CEP83: variants seen among roughly 807,000 people sequenced by gnomAD.
CEP83 encodes the protein centrosomal protein 83.
A neutral mutation model predicts 101.9 loss-of-function variants in CEP83; 70 were observed. That is an observed-to-expected ratio of 0.69 (90% confidence interval 0.57 to 0.84). CEP83 has a LOEUF of 0.84. Among genes scored for constraint, CEP83 ranks in the 40% least tolerant of loss-of-function variants. The pLI, the probability that CEP83 is intolerant of heterozygous loss-of-function variation, is 0.00. For synonymous variants in CEP83, 264 were observed against 267.9 expected (o/e 0.99, Z 0.14); for missense variants, 715 against 787.2 (o/e 0.91, Z 1.10).
At chr12:94,362,270 T>G (rs961267169) in intron 11 of CEP83, among the ~76,000 whole-genome samples, 2 of 151,998 alleles carry the variant, frequency 1.3e-5, no homozygotes, top group Non-Finnish European at 2.9e-5. Flanking sequence ...ACACTGTTAG[T>G]GGGGATGTAA....
chr12:94,335,970 A>C, intron 11 of CEP83: 1 of 234,192 alleles, frequency 4.3e-6, no homozygotes, highest in South Asian at 9.9e-5. Flanking sequence ...ATACATAAAC[A>C]ACAGCCTGAA....
At chr12:94,316,978 G>A (rs1970805383) in intron 14 of CEP83, among the ~76,000 whole-genome samples, 1 of 152,082 alleles carries the variant, frequency 6.6e-6, no homozygotes, top group Non-Finnish European at 1.5e-5. Context: ...GTTGTTTCTA[G>A]CTCTTTGAGG....
At chr12:94,306,417 C>CCTTTCTTTTTAAAGAATT (rs1431501636), downstream of CEP83, 20 of 152,114 alleles carry the variant, frequency 1.3e-4, no homozygotes, top group Admixed American at 1.2e-3. Flanking sequence ...TTTATTCATG[C>CCTTTCTTTTTAAAGAATT]CTTTCTTTTT....
intron 11 of CEP83, among the ~76,000 whole-genome samples, chr12:94,337,278 T>G (rs1159653517): frequency 6.6e-6 from 1 of 152,146 alleles, no homozygotes; most frequent in Non-Finnish European, 1.5e-5. Flanking sequence ...GGAAAACAAC[T>G]AAATGAAAAT....
intron 11 of CEP83, among the ~76,000 whole-genome samples, chr12:94,349,250 A>G (rs1593318029): frequency 6.8e-6 from 1 of 148,036 alleles, no homozygotes; most frequent in Non-Finnish European, 1.5e-5. Context: ...GCGCCACTGC[A>G]CTCCAGCCTG....
At chr12:94,323,321 A>T (rs1593149046) in intron 14 of CEP83, among the ~76,000 whole-genome samples, 1 of 152,134 alleles carries the variant, frequency 6.6e-6, no homozygotes. Flanking sequence ...GAGACTCCAC[A>T]TAATTCTGTG....
intron 4 of CEP83, among the ~76,000 whole-genome samples, chr12:94,410,861 G>C (rs1256655273): frequency 6.6e-6 from 1 of 152,176 alleles, no homozygotes; most frequent in Non-Finnish European, 1.5e-5. Context: ...AGCAATGGTA[G>C]ATTTGAAAAA....
intron 2 of CEP83, among the ~76,000 whole-genome samples, chr12:94,415,051 T>G (rs1363829587): frequency 6.6e-6 from 1 of 152,108 alleles, no homozygotes; most frequent in African/African-American, 2.4e-5. Context: ...AAAATGTGTT[T>G]TTATTTAAAA....
chr12:94,334,043 G>A (rs1375444708), intron 12 of CEP83, among the ~76,000 whole-genome samples: 1 of 150,132 alleles, frequency 6.7e-6, no homozygotes, highest in African/African-American at 2.5e-5. Flanking sequence ...AGTCAGCTGG[G>A]AAAGCAGCTA....
At chr12:94,384,845 T>C (rs1377814840) in intron 6 of CEP83, among the ~76,000 whole-genome samples, 2 of 152,226 alleles carry the variant, frequency 1.3e-5, no homozygotes, top group Non-Finnish European at 2.9e-5. Context: ...CCATGGCTGC[T>C]TTGAAATGTT....
At chr12:94,302,986 G>C (rs1237146540), downstream of CEP83, among the ~76,000 whole-genome samples, 1 of 152,184 alleles carries the variant, frequency 6.6e-6, no homozygotes, top group African/African-American at 2.4e-5. Flanking sequence ...CCTTCAGAAT[G>C]ATTCATCAAG....
chr12:94,284,862 C>T, the CEP83 span, among the ~76,000 whole-genome samples: 65 of 152,282 alleles, frequency 4.3e-4, no homozygotes, highest in East Asian at 0.011. Context: ...ATGGGAGGTC[C>T]TGAAGCAGGG....
intron 13 of CEP83, 102 bp downstream of exon 13, chr12:94,333,380 A>T: frequency 1.0e-6 from 1 of 987,122 alleles, no homozygotes; most frequent in Non-Finnish European, 1.5e-6. Context: ...TGTATTTGTA[A>T]CTAGTTTCTA....
chr12:94,417,488 C>T (rs1324310114), intron 2 of CEP83, among the ~76,000 whole-genome samples: 3 of 152,038 alleles, frequency 2.0e-5, no homozygotes, highest in East Asian at 1.9e-4. Context: ...GTCCAAGTTT[C>T]GATAGAGAAC....
At chr12:94,300,120 G>C in the CEP83 span, among the ~76,000 whole-genome samples, 9 of 152,206 alleles carry the variant, frequency 5.9e-5, no homozygotes, top group African/African-American at 2.2e-4. Flanking sequence ...GTTAGTTGCT[G>C]GAGATATAGT....
At chr12:94,269,349 T>C in the CEP83 span, among the ~76,000 whole-genome samples, 5 of 152,320 alleles carry the variant, frequency 3.3e-5, no homozygotes, top group Non-Finnish European at 2.9e-5. Flanking sequence ...GAAATATTAA[T>C]GCCTCCAATT....
At chr12:94,324,981 G>A (rs1223913372) in intron 14 of CEP83, among the ~76,000 whole-genome samples, 1 of 152,070 alleles carries the variant, frequency 6.6e-6, no homozygotes, top group Admixed American at 6.5e-5. Context: ...GGCCTCCTGT[G>A]TTCCCTCAAC....
At chr12:94,362,515 G>A (rs562524527) in intron 11 of CEP83, among the ~76,000 whole-genome samples, 1 of 152,280 alleles carries the variant, frequency 6.6e-6, no homozygotes, top group East Asian at 1.9e-4. Flanking sequence ...GCACACACCT[G>A]TAATCCAGCT....
intron 15 of CEP83, 49 bp from the exon 16 acceptor site, chr12:94,310,156 A>C (rs1969630000): frequency 2.3e-6 from 2 of 855,260 alleles, no homozygotes; most frequent in Admixed American, 5.2e-5. Context: ...ACCCTATTGA[A>C]GCACAGTATG....
Sources: allele counts gnomAD v4.1 joint callset (sites outside exome capture counted in the v4.1 genomes callset), GRCh38; gene constraint gnomAD v4.1.1; transcripts MANE v1.5; gene names NCBI Gene and HGNC (gene_info 2026-07-23, HGNC 2026-07-21).